Variants in DZIP3 observed in about 807,000 individuals in gnomAD.
DZIP3 encodes DAZ interacting zinc finger protein 3.
A neutral mutation model predicts 162.0 loss-of-function variants in DZIP3; 118 were observed. The observed-to-expected ratio is 0.73, with a 90% CI of 0.63 to 0.85. The LOEUF is 0.85. Among genes scored for constraint, DZIP3 ranks in the 40% least tolerant of loss-of-function variants. The probability of loss-of-function intolerance (pLI) is 0.00; values close to 1 mark genes in which losing one functional copy is unlikely to be tolerated. For missense variants in DZIP3, 1,331 were observed against 1,407.0 expected, an observed-to-expected ratio of 0.95 and a Z score of 0.86; for synonymous variants, 438 against 458.6, an observed-to-expected ratio of 0.96 and a Z score of 0.57.
chr3:108,616,046 C>A, intron 4 of DZIP3, among the ~76,000 whole-genome samples: 1 of 152,126 alleles, frequency 6.6e-6, no homozygotes, highest in East Asian at 1.9e-4. Flanking sequence ...AGGCGGATCA[C>A]GAGGTCAGGA....
chr3:108,611,658 C>T (rs958638751), intron 4 of DZIP3, among the ~76,000 whole-genome samples: 6 of 152,078 alleles, frequency 3.9e-5, no homozygotes, highest in Non-Finnish European at 8.8e-5. Context: ...TTTTGTTCTC[C>T]TAACTCATAA....
chr3:108,628,244 C>T (rs1941677200), intron 7 of DZIP3, among the ~76,000 whole-genome samples: 1 of 152,110 alleles, frequency 6.6e-6, no homozygotes, highest in Non-Finnish European at 1.5e-5. Flanking sequence ...GATATTTTTG[C>T]ATGGTCTCTA....
chr3:108,631,008 TACACACACAC>T lies in DZIP3; in HGVS notation c.696+1871_696+1880del, dbSNP rs779771238. 9.5e-3 allele frequency among the ~76,000 whole-genome samples: 261 copies of T among 27,400 alleles called. 3 individuals carry two copies. Among genetic ancestry groups the T allele is most frequent in the Middle Eastern group, 0.036 (1 of 28 alleles). The allele number at this position is 27,400 out of a possible 152,430, so 18.0% of individuals were successfully genotyped here. ...GAGTTTAGCTTGCTTATACATCCCC[TACACACACAC>T]ACACACACACACACACACACACACA... On this transcript the variant is annotated intron_variant, in intron 8 of 32. Transcript: ENST00000361582.
chr3:108,625,197 T>C (rs1941537765), intron 6 of DZIP3, among the ~76,000 whole-genome samples: 3 of 152,160 alleles, frequency 2.0e-5, no homozygotes, highest in Non-Finnish European at 4.4e-5. Context: ...CCTTTTTCAC[T>C]GAAGCATCTA....
Position 108,642,472 on chromosome 3 carries a change from A to G in DZIP3, c.1099A>G (p.Thr367Ala), listed in dbSNP as rs1277444163. 6.7e-7 allele frequency: 1 copy of G among 1,488,154 alleles called. No individual in the cohort carries two copies. Among genetic ancestry groups the G allele is most frequent in the Admixed American group, 2.0e-5 (1 of 51,250 alleles). 92.2% of individuals were successfully genotyped at this position (1,488,154 alleles called of 1,614,324 possible). A position where few individuals can be genotyped will look rare whatever the true frequency, so the allele number is the denominator to read the frequency against. Reference protein sequence around the residue: ...RKLISLKITDTDIRPKISLKF... With the variant: ...RKLISLKITDADIRPKISLKF... Reference sequence around the variant, plus strand: ...GTTGATATCTCTGAAAATAACTGATACTGATATAAGACCGAAGATCAGTTT... The same window carrying G: ...GTTGATATCTCTGAAAATAACTGATGCTGATATAAGACCGAAGATCAGTTT... The change falls in exon 13 of 33, where the codon ACT becomes GCT. Residue 367 changes from threonine (T) to alanine (A), a missense_variant. Transcript: ENST00000361582.
At chr3:108,662,336 A>G (rs1361766932) in intron 21 of DZIP3, 79 bp downstream of exon 21, 12 of 1,451,282 alleles carry the variant, frequency 8.3e-6, no homozygotes, top group African/African-American at 1.4e-5. Flanking sequence ...CTGCATAACC[A>G]CTAGGTGGCA....
At chr3:108,667,861 A>C (rs980597353) in intron 21 of DZIP3, among the ~76,000 whole-genome samples, 3 of 152,134 alleles carry the variant, frequency 2.0e-5, no homozygotes, top group Non-Finnish European at 4.4e-5. Flanking sequence ...TTAAAGACAT[A>C]GTACTGAACC....
chr3:108,648,684 A>G, intron 16 of DZIP3: 1 of 228,204 alleles, frequency 4.4e-6, no homozygotes, highest in Non-Finnish European at 9.1e-6. Flanking sequence ...TCAGTAACCT[A>G]CTTATTGACA....
intron 7 of DZIP3, among the ~76,000 whole-genome samples, chr3:108,626,464 TAAAGAGTTGA>T (rs1941594177): frequency 6.6e-6 from 1 of 152,180 alleles, no homozygotes; most frequent in Admixed American, 6.5e-5. Context: ...AATGAGCTTA[TAAAGAGTTGA>T]AAAGGGTCCA....
chr3:108,660,540 A>C (rs1943371170), intron 19 of DZIP3, among the ~76,000 whole-genome samples: 1 of 152,152 alleles, frequency 6.6e-6, no homozygotes, highest in Non-Finnish European at 1.5e-5. Flanking sequence ...AAACCCTAGA[A>C]GAAAACCTAG....
chr3:108,676,434 A>C (rs1944113176), intron 25 of DZIP3, among the ~76,000 whole-genome samples: 1 of 152,136 alleles, frequency 6.6e-6, no homozygotes, highest in Admixed American at 6.6e-5. Flanking sequence ...TTATGTAATT[A>C]TTCCATAATG....
At chr3:108,592,783 G>T (rs1411451612) in intron 1 of DZIP3, among the ~76,000 whole-genome samples, 2 of 148,058 alleles carry the variant, frequency 1.4e-5, no homozygotes, top group Non-Finnish European at 3.0e-5. Flanking sequence ...ATACTGTCTT[G>T]TTCCATTCTT....
intron 1 of DZIP3, among the ~76,000 whole-genome samples, chr3:108,595,684 A>G (rs1238292613): frequency 2.7e-5 from 4 of 148,042 alleles, no homozygotes; most frequent in African/African-American, 2.7e-5. Flanking sequence ...TAGAAAGAAC[A>G]TATTGTCTTC....
rs186943117 is a variant in DZIP3, at chr3:108,686,414, C to G, written c.3010-31C>G. 6.1e-4 allele frequency: 920 copies of G among 1,508,580 alleles called. 3 individuals are homozygous for G. The African/African-American group carries it at 0.011, about 18-fold the overall frequency. 93.4% of individuals were successfully genotyped at this position (1,508,580 alleles called of 1,614,324 possible). A position where few individuals can be genotyped will look rare whatever the true frequency, so the allele number is the denominator to read the frequency against. The stretch of plus-strand genomic sequence containing the variant: ...GAATGTCACTTCTTAATAATTAAAC[C>G]TGCTGGGCTATAGCTCTCTGCCTCT... On this transcript the variant is annotated intron_variant, in intron 27 of 32. Transcript: ENST00000361582.
At chr3:108,664,266 A>T (rs1272371241) in intron 21 of DZIP3, among the ~76,000 whole-genome samples, 2 of 152,188 alleles carry the variant, frequency 1.3e-5, no homozygotes, top group Non-Finnish European at 2.9e-5. Flanking sequence ...AATTATAACA[A>T]TAGAAAGGCT....
rs1229850918 is a variant in DZIP3 at position 108,688,699 on chromosome 3, C to T, written c.3377C>T (p.Ser1126Leu). ...PPKPAWRPLT[S>L]QGPATWEGAS... ...AAACCAGCCTGGAGGCCACTCACTT[C>T]ACAGGGTCCTGCCACATGGGAAGGA... Residue 1126 changes from serine (S) to leucine (L), a missense_variant, in exon 30 of 33, where the codon TCA becomes TTA. Physicochemically the swap from Ser to Leu is moderately radical, Grantham distance 145. Transcript: ENST00000361582. 3 of 1,614,090 alleles carry T rather than the reference C, an allele frequency of 1.9e-6. No homozygotes were observed. Among genetic ancestry groups the T allele is most frequent in the Admixed American group, 3.3e-5 (2 of 60,022 alleles).
chr3:108,692,259 G>A (rs1358875418), intron 32 of DZIP3, among the ~76,000 whole-genome samples: 1 of 151,944 alleles, frequency 6.6e-6, no homozygotes, highest in Non-Finnish European at 1.5e-5. Context: ...CAGAACATGG[G>A]CATAGACAGA....
intron 7 of DZIP3, 119 bp downstream of exon 7, chr3:108,626,088 T>G (rs1170407736): frequency 5.1e-6 from 6 of 1,165,780 alleles, no homozygotes; most frequent in Non-Finnish European, 7.0e-6. Context: ...TTTATCCTTT[T>G]CTTCTTTGCC....
At chr3:108,635,476 G>A (rs952627851) in intron 10 of DZIP3, 4 of 171,676 alleles carry the variant, frequency 2.3e-5, no homozygotes, top group African/African-American at 9.7e-5. Flanking sequence ...CATATCATAT[G>A]TAGTTATAGA....
Sources: gnomAD v4.1 joint callset for allele counts (sites outside exome capture counted in the v4.1 genomes callset) on GRCh38, gnomAD v4.1.1 for gene constraint, MANE v1.5 for transcripts, NCBI Gene and HGNC (gene_info 2026-07-23, HGNC 2026-07-21) for gene names.